The following FAT3 variants were observed in gnomAD, a reference collection of about 807,000 sequenced individuals.
FAT3 encodes FAT atypical cadherin 3.
A neutral mutation model predicts 310.2 loss-of-function variants in FAT3; 95 were observed. That is an observed-to-expected ratio of 0.31 (90% confidence interval 0.26 to 0.36). The LOEUF is 0.36. Ranked by LOEUF, FAT3 falls within the 10% of genes least tolerant of loss-of-function variation. The pLI is 1.00. For synonymous variants in FAT3, 2,314 were observed against 2,192.9 expected, an observed-to-expected ratio of 1.06 and a Z score of -1.54; for missense variants, 5,408 against 5,715.6, an observed-to-expected ratio of 0.95 and a Z score of 1.74.
At chr11:92,229,432 G>A (rs1864054355) in intron 1 of FAT3, among the ~76,000 whole-genome samples, 1 of 150,462 alleles carries the variant, frequency 6.6e-6, no homozygotes, top group African/African-American at 2.4e-5. Context: ...TCAATTGCAG[G>A]GTATCTACTC....
At chr11:92,769,639 G>A (rs570323198) in intron 6 of FAT3, among the ~76,000 whole-genome samples, 1 of 152,320 alleles carries the variant, frequency 6.6e-6, no homozygotes, top group South Asian at 2.1e-4. Flanking sequence ...GAGAAAAATA[G>A]TTTTCTTTGT....
chr11:92,256,790 T>C (rs1865334889), intron 1 of FAT3, among the ~76,000 whole-genome samples: 2 of 152,228 alleles, frequency 1.3e-5, no homozygotes, highest in Admixed American at 6.5e-5. Flanking sequence ...ATTGAGAAAA[T>C]AAGTTTAGAG....
chr11:92,301,997 A>C (rs1565211775), intron 1 of FAT3, among the ~76,000 whole-genome samples: 1 of 151,796 alleles, frequency 6.6e-6, no homozygotes, highest in South Asian at 2.1e-4. Context: ...AACTGCTGAA[A>C]CTCTGCTTCA....
intron 3 of FAT3, among the ~76,000 whole-genome samples, chr11:92,605,374 G>A (rs894529849): frequency 6.6e-6 from 1 of 152,124 alleles, no homozygotes; most frequent in African/African-American, 2.4e-5. Context: ...AGTGTGATGG[G>A]GCCAATGGGC....
chr11:92,655,725 C>A (rs1233962859), intron 3 of FAT3, among the ~76,000 whole-genome samples: 1 of 152,146 alleles, frequency 6.6e-6, no homozygotes, highest in Non-Finnish European at 1.5e-5. Context: ...TCTTACCCAA[C>A]CCTCTCTGCC....
intron 7 of FAT3, among the ~76,000 whole-genome samples, chr11:92,779,500 G>T (rs935158450): frequency 1.3e-5 from 2 of 151,964 alleles, no homozygotes; most frequent in African/African-American, 4.8e-5. Context: ...AATGGGATGA[G>T]TATAACAGAC....
At chr11:92,755,040 G>T (rs1458261988) in intron 4 of FAT3, among the ~76,000 whole-genome samples, 1 of 152,138 alleles carries the variant, frequency 6.6e-6, no homozygotes, top group Non-Finnish European at 1.5e-5. Flanking sequence ...TAGAATAGTG[G>T]TTACTAGAGG....
chr11:92,770,843 G>A (rs1345346578), intron 6 of FAT3, among the ~76,000 whole-genome samples: 2 of 152,156 alleles, frequency 1.3e-5, no homozygotes, highest in East Asian at 3.9e-4. Flanking sequence ...AGCAGTAGCT[G>A]CTGGCTCAAA....
At chr11:92,464,113 G>A (rs888230477) in intron 2 of FAT3, among the ~76,000 whole-genome samples, 2 of 152,190 alleles carry the variant, frequency 1.3e-5, no homozygotes, top group Non-Finnish European at 2.9e-5. Context: ...AAGTGTAAAG[G>A]ATGAGTGTTT....
chr11:92,226,155 A>G (rs12795667), intron 1 of FAT3, among the ~76,000 whole-genome samples: 1 of 151,534 alleles, frequency 6.6e-6, no homozygotes, highest in Non-Finnish European at 1.5e-5. Context: ...GGCCTGGACC[A>G]TCTTGGCGCG....
chr11:92,651,216 G>C (rs1410608264), intron 3 of FAT3, among the ~76,000 whole-genome samples: 1 of 152,238 alleles, frequency 6.6e-6, no homozygotes, highest in Non-Finnish European at 1.5e-5. Flanking sequence ...GAGGAGAAAT[G>C]CCTGAGTGTA....
chr11:92,589,633 A>T (rs1056863502), intron 3 of FAT3, among the ~76,000 whole-genome samples: 2 of 151,920 alleles, frequency 1.3e-5, no homozygotes, highest in Non-Finnish European at 2.9e-5. Flanking sequence ...GCTTTACTCA[A>T]CTAAGCTTTT....
chr11:92,368,496 G>C (rs966743181), intron 2 of FAT3, among the ~76,000 whole-genome samples: 1 of 152,144 alleles, frequency 6.6e-6, no homozygotes, highest in Non-Finnish European at 1.5e-5. Context: ...AAAACTTACA[G>C]TGCATTTTTA....
intron 2 of FAT3, among the ~76,000 whole-genome samples, chr11:92,418,274 A>G (rs1224747351): frequency 6.6e-6 from 1 of 152,198 alleles, no homozygotes; most frequent in Non-Finnish European, 1.5e-5. Context: ...TAGTAAATCC[A>G]TCATTTAGTG....
At chr11:92,862,160 G>A (rs1191867703) in intron 21 of FAT3, among the ~76,000 whole-genome samples, 1 of 152,208 alleles carries the variant, frequency 6.6e-6, no homozygotes, top group African/African-American at 2.4e-5. Flanking sequence ...AAGTTGGGTA[G>A]AGTAGAATAT....
At chr11:92,646,408 C>T (rs181200914) in intron 3 of FAT3, among the ~76,000 whole-genome samples, 1 of 152,280 alleles carries the variant, frequency 6.6e-6, no homozygotes, top group East Asian at 1.9e-4. Flanking sequence ...ATTACTTCTA[C>T]CATATTCTAT....
intron 1 of FAT3, among the ~76,000 whole-genome samples, chr11:92,344,291 A>G (rs1948351529): frequency 6.6e-6 from 1 of 152,150 alleles, no homozygotes; most frequent in African/African-American, 2.4e-5. Context: ...GAGTTACCTG[A>G]TGAACTCTCA....
chr11:92,231,033 C>T (rs1207724187), intron 1 of FAT3, among the ~76,000 whole-genome samples: 2 of 152,120 alleles, frequency 1.3e-5, no homozygotes, highest in East Asian at 1.9e-4. Context: ...AATGGGCTGT[C>T]GGAATGTTAG....
intron 3 of FAT3, among the ~76,000 whole-genome samples, chr11:92,674,639 C>T (rs1006618508): frequency 6.6e-6 from 1 of 152,122 alleles, no homozygotes; most frequent in African/African-American, 2.4e-5. Context: ...TCTCCCACCT[C>T]AGCCTCCCAA....
Sources: allele counts gnomAD v4.1 joint callset (sites outside exome capture counted in the v4.1 genomes callset), GRCh38; gene constraint gnomAD v4.1.1; transcripts MANE v1.5; gene names NCBI Gene and HGNC (gene_info 2026-07-23, HGNC 2026-07-21).